The following KPNA1 variants were observed in gnomAD, a reference collection of about 807,000 sequenced individuals.
KPNA1 encodes the protein karyopherin subunit alpha 1, also known as importin subunit alpha-5.
In KPNA1, 10 loss-of-function variants were observed where a neutral mutation model predicts 70.5. The observed-to-expected ratio is 0.14, with a 90% confidence interval of 0.09 to 0.24. KPNA1 has a LOEUF of 0.24. Ranked by LOEUF, KPNA1 falls within the 10% of genes least tolerant of loss-of-function variation. The pLI is 1.00. For synonymous variants in KPNA1, 192 were observed against 221.9 expected, an observed-to-expected ratio of 0.87 and a Z score of 1.20; for missense variants, 397 against 637.9, an observed-to-expected ratio of 0.62 and a Z score of 4.07.
At chr3:122,486,593 CT>C (rs200913665) in intron 2 of KPNA1, among the ~76,000 whole-genome samples, 105 of 146,676 alleles carry the variant, frequency 7.2e-4, no homozygotes, top group Admixed American at 6.8e-4. Flanking sequence ...TCTGTGCATT[CT>C]TTTTTTTTTT....
chr3:122,496,752 G>A, intron 1 of KPNA1, 182 bp from the exon 2 acceptor site: 1 of 462,328 alleles, frequency 2.2e-6, no homozygotes, highest in Non-Finnish European at 3.9e-6. Flanking sequence ...CACCCGGACT[G>A]GAGTACAGTG....
At chr3:122,500,636 A>T (rs1382376682) in intron 1 of KPNA1, among the ~76,000 whole-genome samples, 1 of 151,914 alleles carries the variant, frequency 6.6e-6, no homozygotes, top group African/African-American at 2.4e-5. Context: ...ATCTGGGACT[A>T]CAGGTGCATG....
intron 5 of KPNA1, among the ~76,000 whole-genome samples, chr3:122,460,951 GCT>G (rs1260929711): frequency 6.6e-6 from 1 of 152,010 alleles, no homozygotes; most frequent in African/African-American, 2.4e-5. Context: ...GGCTGTAATG[GCT>G]CCTCTGCTGT....
chr3:122,501,025 CTTTCCT>C (rs2076823249), intron 1 of KPNA1, among the ~76,000 whole-genome samples: 2 of 135,790 alleles, frequency 1.5e-5, no homozygotes, highest in Non-Finnish European at 3.2e-5. Flanking sequence ...CTTTTCTTTT[CTTTCCT>C]TTTTTTTTTT....
chr3:122,502,725 G>A (rs2076842692), intron 1 of KPNA1, among the ~76,000 whole-genome samples: 1 of 152,158 alleles, frequency 6.6e-6, no homozygotes, highest in Non-Finnish European at 1.5e-5. Context: ...GATGAAAAAT[G>A]ATATAAAGAA....
intron 10 of KPNA1, among the ~76,000 whole-genome samples, chr3:122,441,222 T>C (rs2076058074): frequency 1.3e-5 from 2 of 152,148 alleles, no homozygotes; most frequent in Admixed American, 6.5e-5. Context: ...ACTAAAAGAC[T>C]TCAACATCAC....
At chr3:122,463,047 A>C (rs189476150) in intron 4 of KPNA1, among the ~76,000 whole-genome samples, 2 of 151,890 alleles carry the variant, frequency 1.3e-5, no homozygotes, top group Admixed American at 6.6e-5. Flanking sequence ...GTGAAATCCT[A>C]TCTCTACTAA....
At chr3:122,513,082 T>C (rs2076973271) in intron 1 of KPNA1, among the ~76,000 whole-genome samples, 1 of 152,198 alleles carries the variant, frequency 6.6e-6, no homozygotes, top group African/African-American at 2.4e-5. Context: ...TTGAACGGAT[T>C]AAATAAAGAA....
In KPNA1 at chr3:122,433,787, G is replaced by C. The variant is rs775792338; in HGVS notation, c.1124C>G (p.Thr375Ser). The change falls in exon 12 of 14, where the codon ACT (threonine) becomes AGT (serine). Residue 375 changes from threonine to serine, a missense_variant and splice_region_variant. Transcript: ENST00000344337. ...TGGGAAAATGTTGGCATCTATCACA[G>C]TCTAAAATTAAAGAAAAACTTAAAT... is the stretch of plus-strand genomic sequence containing the variant. ...ITAGNRAQIQTVIDANIFPAL... is the reference protein window; with the variant it reads ...ITAGNRAQIQSVIDANIFPAL... 3 of 1,580,400 alleles carry C rather than the reference G, an allele frequency of 1.9e-6. No homozygotes were observed. Among genetic ancestry groups the C allele is most frequent in the Non-Finnish European group, 1.7e-6 (2 of 1,169,474 alleles).
At chr3:122,437,688 A>C (rs2076006952) in intron 10 of KPNA1, among the ~76,000 whole-genome samples, 1 of 152,184 alleles carries the variant, frequency 6.6e-6, no homozygotes, top group Admixed American at 6.5e-5. Flanking sequence ...CAATGAACGA[A>C]TACGTACTTA....
In KPNA1 at chr3:122,433,767, A is replaced by G; in HGVS notation, c.1144T>C (p.Phe382Leu). The G allele has an allele frequency of 6.2e-7, 1 of 1,608,632 alleles. No homozygotes were observed. Among genetic ancestry groups the G allele is most frequent in the Non-Finnish European group, 8.5e-7 (1 of 1,178,258 alleles). ...TGTAAAATACTAATGAGGGCTGGGA[A>G]AATGTTGGCATCTATCACAGTCTAA... ...QIQTVIDANIFPALISILQTA... is the reference protein window; with the variant it reads ...QIQTVIDANILPALISILQTA... The change falls in exon 12 of 14, where the codon TTC (phenylalanine) becomes CTC (leucine). Residue 382 changes from phenylalanine (F) to leucine (L), a missense_variant. Phe to Leu is a conservative substitution (Grantham distance 22). Coordinates refer to ENST00000344337, the MANE Select transcript of KPNA1 (RefSeq NM_002264.4).
chr3:122,507,621 A>T (rs1415390152), intron 1 of KPNA1, among the ~76,000 whole-genome samples: 1 of 152,022 alleles, frequency 6.6e-6, no homozygotes, highest in Non-Finnish European at 1.5e-5. Flanking sequence ...TACCTAAAAC[A>T]CTGAATTTCT....
At chr3:122,484,769 A>G (rs901880650) in intron 2 of KPNA1, among the ~76,000 whole-genome samples, 1 of 152,264 alleles carries the variant, frequency 6.6e-6, no homozygotes, top group Non-Finnish European at 1.5e-5. Flanking sequence ...TGTTAACAGT[A>G]TCAATTCTCC....
intron 3 of KPNA1, among the ~76,000 whole-genome samples, chr3:122,465,774 C>T (rs1482292334): frequency 1.3e-5 from 2 of 152,184 alleles, no homozygotes; most frequent in East Asian, 1.9e-4. Context: ...TAGTGGCGCA[C>T]GCCTGTAGTC....
chr3:122,434,638 T>C (rs939258719), intron 11 of KPNA1, among the ~76,000 whole-genome samples: 2 of 152,190 alleles, frequency 1.3e-5, no homozygotes, highest in Non-Finnish European at 2.9e-5. Context: ...TCCTTTGGCA[T>C]TGCCATGCTA....
intron 1 of KPNA1, among the ~76,000 whole-genome samples, chr3:122,500,619 C>T (rs1206765505): frequency 6.6e-6 from 1 of 152,004 alleles, no homozygotes; most frequent in Admixed American, 6.6e-5. Context: ...ACCTCAGCCT[C>T]CCAAGTATCT....
At chr3:122,474,643 C>A (rs1225342424) in intron 2 of KPNA1, among the ~76,000 whole-genome samples, 1 of 152,080 alleles carries the variant, frequency 6.6e-6, no homozygotes, top group Non-Finnish European at 1.5e-5. Context: ...CAACAAACAG[C>A]ACATTAAAAA....
intron 7 of KPNA1, 67 bp downstream of exon 7, chr3:122,451,905 GCTTT>G (rs1341667192): frequency 2.1e-6 from 2 of 942,374 alleles, no homozygotes; most frequent in Non-Finnish European, 3.3e-6. Context: ...AACATGTAAT[GCTTT>G]CTGAGGAATC....
chr3:122,435,508 G>A (rs1359600642), intron 11 of KPNA1, among the ~76,000 whole-genome samples: 1 of 152,224 alleles, frequency 6.6e-6, no homozygotes, highest in Non-Finnish European at 1.5e-5. Flanking sequence ...AAGCGTTAAA[G>A]CCAATCGTGC....
Sources: allele counts gnomAD v4.1 joint callset (sites outside exome capture counted in the v4.1 genomes callset), GRCh38; gene constraint gnomAD v4.1.1; transcripts MANE v1.5; gene names NCBI Gene and HGNC (gene_info 2026-07-23, HGNC 2026-07-21).